Variants in RTKN2 observed in about 807,000 individuals in gnomAD.
RTKN2 encodes rhotekin 2, also known as rhotekin-2.
RTKN2 carries 69 observed loss-of-function variants against 71.5 expected under a neutral mutation model. The ratio of observed to expected loss-of-function variants is 0.96; its 90% CI spans 0.79 to 1.18. The LOEUF is 1.18. Among genes scored for constraint, RTKN2 ranks in the 50% most tolerant of loss-of-function variants. RTKN2 has a pLI of 0.00. For synonymous variants in RTKN2, 236 were observed against 236.5 expected, an observed-to-expected ratio of 1.00 and a Z score of 0.02; for missense variants, 724 against 719.7, an observed-to-expected ratio of 1.01 and a Z score of -0.07.
chr10:62,266,524 G>A (rs1174981329), intron 1 of RTKN2, among the ~76,000 whole-genome samples: 10 of 139,530 alleles, frequency 7.2e-5, no homozygotes, highest in Non-Finnish European at 1.1e-4. Flanking sequence ...ATTGTTAACA[G>A]CGGCCATTCT....
downstream of RTKN2, among the ~76,000 whole-genome samples, chr10:62,188,275 AG>A (rs1483571230): frequency 2.0e-5 from 3 of 152,150 alleles, no homozygotes; most frequent in Non-Finnish European, 4.4e-5. Context: ...TATTGGTGAG[AG>A]GCCTCAGTTT....
intron 5 of RTKN2, chr10:62,239,405 T>C (rs371633640): frequency 2.1e-5 from 6 of 289,000 alleles, no homozygotes; most frequent in African/African-American, 8.9e-5. Context: ...TCATATCTAA[T>C]AAGTCAAATA....
At position 62,241,169 on chromosome 10, in the gene RTKN2, C is replaced by T; in HGVS notation, c.343G>A (p.Asp115Asn). Reference sequence around the variant, plus strand: ...TCTTTATTGCTGAAGTGATCAGAGTCTTTCCACATTAGTGGTATTCGAATA... The same window carrying T: ...TCTTTATTGCTGAAGTGATCAGAGTTTTTCCACATTAGTGGTATTCGAATA... ...SDIRIPLMWK[D>N]SDHFSNKERS... The change falls in exon 4 of 12, where the codon GAC (aspartate) becomes AAC (asparagine). Residue 115 changes from aspartate (D) to asparagine (N), a missense_variant. Transcript: ENST00000373789. The T allele has an allele frequency of 6.4e-7, 1 of 1,561,426 alleles. No homozygotes were observed. The highest frequency in any genetic ancestry group is 8.8e-7 in the Non-Finnish European group (1 of 1,140,786).
At chr10:62,240,266 C>A (rs1209722439) in intron 4 of RTKN2, among the ~76,000 whole-genome samples, 62 of 136,536 alleles carry the variant, frequency 4.5e-4, no homozygotes, top group East Asian at 1.1e-3. Flanking sequence ...AAAAAAAAAA[C>A]AAAACAATAA....
At chr10:62,250,002 A>G (rs1842548793) in intron 2 of RTKN2, among the ~76,000 whole-genome samples, 1 of 152,218 alleles carries the variant, frequency 6.6e-6, no homozygotes. Context: ...GAAAGCAAAT[A>G]AAATGACCTA....
intron 9 of RTKN2, among the ~76,000 whole-genome samples, chr10:62,206,045 G>C (rs1480560648): frequency 6.6e-6 from 1 of 152,074 alleles, no homozygotes; most frequent in African/African-American, 2.4e-5. Context: ...TTAATTTAAC[G>C]ATGTATTTCA....
At chr10:62,265,576 GTT>G (rs11403722) in intron 1 of RTKN2, among the ~76,000 whole-genome samples, 13,059 of 146,414 alleles carry the variant, frequency 0.089, 774 homozygotes, top group South Asian at 0.26. Flanking sequence ...TGAGCTGTTG[GTT>G]TTTTTTTTTT....
At chr10:62,245,776 G>A (rs1842467029) in intron 3 of RTKN2, among the ~76,000 whole-genome samples, 1 of 151,960 alleles carries the variant, frequency 6.6e-6, no homozygotes, top group South Asian at 2.1e-4. Context: ...CTGCACTAGG[G>A]AGAAAACTGT....
intron 4 of RTKN2, among the ~76,000 whole-genome samples, chr10:62,239,999 A>G (rs1394522393): frequency 6.6e-6 from 1 of 152,150 alleles, no homozygotes; most frequent in Non-Finnish European, 1.5e-5. Flanking sequence ...CAGGCCTCTC[A>G]GCAGCCTAAA....
At chr10:62,212,051 G>A (rs1841670895) in intron 9 of RTKN2, among the ~76,000 whole-genome samples, 1 of 151,886 alleles carries the variant, frequency 6.6e-6, no homozygotes, top group South Asian at 2.1e-4. Context: ...GTTTATTTAA[G>A]AATACATTGT....
At chr10:62,210,363 G>A (rs1471368002) in intron 9 of RTKN2, among the ~76,000 whole-genome samples, 1 of 151,948 alleles carries the variant, frequency 6.6e-6, no homozygotes, top group African/African-American at 2.4e-5. Context: ...TCTAATGTGG[G>A]GGCAATGTGT....
At chr10:62,188,991 G>A (rs372306605), downstream of RTKN2, among the ~76,000 whole-genome samples, 1 of 150,726 alleles carries the variant, frequency 6.6e-6, no homozygotes, top group South Asian at 2.1e-4. Flanking sequence ...CTTGTGATCC[G>A]CCCACGTCGG....
At chr10:62,268,068 G>A (rs1842897895) in intron 1 of RTKN2, among the ~76,000 whole-genome samples, 1 of 152,158 alleles carries the variant, frequency 6.6e-6, no homozygotes, top group Non-Finnish European at 1.5e-5. Flanking sequence ...AAGTGCAGAG[G>A]TTGCTGTTTG....
At chr10:62,201,585 A>G (rs1036215582) in intron 10 of RTKN2, among the ~76,000 whole-genome samples, 1 of 152,156 alleles carries the variant, frequency 6.6e-6, no homozygotes, top group South Asian at 2.1e-4. Flanking sequence ...AAAAAAACCC[A>G]TATCTAATGG....
intron 1 of RTKN2, among the ~76,000 whole-genome samples, chr10:62,267,670 G>T (rs899303811): frequency 6.6e-6 from 1 of 152,124 alleles, no homozygotes; most frequent in African/African-American, 2.4e-5. Flanking sequence ...TTTAAACAAA[G>T]ATATCAGGTG....
intron 5 of RTKN2, among the ~76,000 whole-genome samples, chr10:62,236,679 T>C (rs1842265692): frequency 6.6e-6 from 1 of 151,932 alleles, no homozygotes; most frequent in Non-Finnish European, 1.5e-5. Context: ...GAAGAAACTA[T>C]AAGAATGCAG....
At position 62,254,590 on chromosome 10, in the gene RTKN2, C is replaced by T. The variant is rs187888836; in HGVS notation, c.257+8035G>A. Among the ~76,000 whole-genome samples, 433 of 152,044 alleles carry T rather than the reference C, an allele frequency of 2.8e-3. 6 individuals are homozygous for T. The highest frequency in any genetic ancestry group is 1.0e-2 in the African/African-American group (413 of 41,462). ...GGATGTACATATATGTGTATATATA[C>T]GTATACACACACAAAGAACTGCAAA... On this transcript the variant is annotated intron_variant, in intron 2 of 11. Coordinates refer to ENST00000373789, the MANE Select transcript of RTKN2 (RefSeq NM_145307.4).
chr10:62,212,113 A>C (rs79494731), intron 9 of RTKN2, among the ~76,000 whole-genome samples: 1 of 151,556 alleles, frequency 6.6e-6, no homozygotes, highest in South Asian at 2.1e-4. Flanking sequence ...TTAAAAAAAA[A>C]ATATATATAT....
chr10:62,254,445 C>T (rs1335306222), intron 2 of RTKN2, among the ~76,000 whole-genome samples: 1 of 152,164 alleles, frequency 6.6e-6, no homozygotes, highest in Non-Finnish European at 1.5e-5. Flanking sequence ...AACTGTGAGT[C>T]AATTAAACCT....
Sources: gnomAD v4.1 joint callset for allele counts (sites outside exome capture counted in the v4.1 genomes callset) on GRCh38, gnomAD v4.1.1 for gene constraint, MANE v1.5 for transcripts, NCBI Gene and HGNC (gene_info 2026-07-23, HGNC 2026-07-21) for gene names.